Variants in RIGI observed in about 807,000 individuals in gnomAD.
The protein encoded by RIGI is RNA sensor RIG-I, also known as antiviral innate immune response receptor RIG-I.
the RIGI span, chr9:32,488,017 T>C: frequency 6.2e-7 from 1 of 1,614,034 alleles, no homozygotes; most frequent in African/African-American, 1.3e-5. Context: ...TGTACGGGTG[T>C]TGTTTACTAG....
At chr9:32,493,579 C>T in the RIGI span, among the ~76,000 whole-genome samples, 2 of 151,826 alleles carry the variant, frequency 1.3e-5, no homozygotes, top group East Asian at 1.9e-4. Context: ...GCCGAGATCA[C>T]ACCATTGCAC....
the RIGI span, chr9:32,526,034 C>T: frequency 1.3e-6 from 2 of 1,565,684 alleles, no homozygotes; most frequent in Non-Finnish European, 1.8e-6. Context: ...TGTTTTCCGC[C>T]GAGAAGGCGC....
chr9:32,518,117 TATATATAAA>T, the RIGI span, among the ~76,000 whole-genome samples: 864 of 152,270 alleles, frequency 5.7e-3, 7 homozygotes, highest in African/African-American at 0.02. Context: ...TATGTAATTC[TATATATAAA>T]ATGTGCAAAA....
chr9:32,465,365 A>G, the RIGI span, among the ~76,000 whole-genome samples: 5 of 152,214 alleles, frequency 3.3e-5, no homozygotes, highest in Non-Finnish European at 7.3e-5. Flanking sequence ...TACTTTTTGG[A>G]GCACAGAGAT....
At chr9:32,523,050 A>G in the RIGI span, among the ~76,000 whole-genome samples, 43 of 152,094 alleles carry the variant, frequency 2.8e-4, no homozygotes, top group African/African-American at 9.6e-4. Context: ...TTGCTTCCTT[A>G]CCCCTCCAGA....
At chr9:32,462,491 T>C in the RIGI span, among the ~76,000 whole-genome samples, 1 of 145,374 alleles carries the variant, frequency 6.9e-6, no homozygotes, top group Non-Finnish European at 1.5e-5. Context: ...TCACTGCAAC[T>C]TCCAGCTCCT....
chr9:32,491,108 T>C, the RIGI span, among the ~76,000 whole-genome samples: 1 of 152,132 alleles, frequency 6.6e-6, no homozygotes, highest in Non-Finnish European at 1.5e-5. Context: ...GAAAAAAAGA[T>C]AGTGGAAGAA....
the RIGI span, among the ~76,000 whole-genome samples, chr9:32,496,623 T>C: frequency 6.6e-6 from 1 of 152,194 alleles, no homozygotes; most frequent in Non-Finnish European, 1.5e-5. Context: ...CATCTCAGCC[T>C]CCACAATCAT....
chr9:32,456,682 C>A, the RIGI span: 1 of 158,826 alleles, frequency 6.3e-6, no homozygotes, highest in Non-Finnish European at 1.4e-5. Context: ...TTAAGAAGTG[C>A]CCAGTGGATT....
At chr9:32,479,431 G>C in the RIGI span, among the ~76,000 whole-genome samples, 1 of 152,104 alleles carries the variant, frequency 6.6e-6, no homozygotes. Context: ...TTACCTTTGG[G>C]AAAGAATTCA....
chr9:32,525,208 C>A, the RIGI span, among the ~76,000 whole-genome samples: 5 of 152,258 alleles, frequency 3.3e-5, no homozygotes, highest in East Asian at 7.7e-4. Context: ...GGCAAGGTGC[C>A]CCCTGACCCC....
the RIGI span, chr9:32,485,403 A>T: frequency 1.4e-6 from 1 of 707,584 alleles, no homozygotes; most frequent in South Asian, 1.8e-5. Flanking sequence ...CCTCTGAAAA[A>T]CCTAAGGTTC....
the RIGI span, chr9:32,467,917 G>C: frequency 2.5e-6 from 4 of 1,594,586 alleles, no homozygotes; most frequent in Non-Finnish European, 2.6e-6. Context: ...ACACTTCTGT[G>C]CCGGGAGGGT....
the RIGI span, chr9:32,457,493 A>AAAAAAAG: frequency 1.6e-3 from 1,820 of 1,159,904 alleles, 5 homozygotes; most frequent in South Asian, 2.1e-3. Flanking sequence ...TAAAAAAAAA[A>AAAAAAAG]AAAAGAAAAC....
chr9:32,488,329 G>C, the RIGI span: 24 of 1,020,946 alleles, frequency 2.4e-5, no homozygotes, highest in Admixed American at 4.7e-5. Flanking sequence ...ATAGCTGTAG[G>C]CAAGTCCTTA....
At chr9:32,499,775 A>G in the RIGI span, among the ~76,000 whole-genome samples, 1,073 of 151,982 alleles carry the variant, frequency 7.1e-3, 9 homozygotes, top group Admixed American at 8.8e-3. Flanking sequence ...TTTTTTAAAT[A>G]CAGGGGTCTC....
the RIGI span, among the ~76,000 whole-genome samples, chr9:32,484,875 A>G: frequency 6.6e-6 from 1 of 152,218 alleles, no homozygotes; most frequent in African/African-American, 2.4e-5. Flanking sequence ...TCAGGTGAAC[A>G]GGAAAGTCAG....
chr9:32,504,789 ATATTTAATACATAAAATATATAAAAT>A, the RIGI span, among the ~76,000 whole-genome samples: 1 of 138,254 alleles, frequency 7.2e-6, no homozygotes, highest in Non-Finnish European at 1.5e-5. Context: ...TATATAAAAT[ATATTTAATACATAAAATATATAAAAT>A]ATATTTAATA....
chr9:32,507,820 A>AT, the RIGI span, among the ~76,000 whole-genome samples: 1 of 151,966 alleles, frequency 6.6e-6, no homozygotes, highest in South Asian at 2.1e-4. Context: ...CCCCATTTTT[A>AT]TTTTTTATGT....
Sources: gnomAD v4.1 joint callset for allele counts (sites outside exome capture counted in the v4.1 genomes callset) on GRCh38, gnomAD v4.1.1 for gene constraint, MANE v1.5 for transcripts, NCBI Gene and HGNC (gene_info 2026-07-23, HGNC 2026-07-21) for gene names.